FZD3: variants seen among roughly 807,000 people sequenced by gnomAD.
The protein encoded by FZD3 is frizzled class receptor 3.
FZD3 carries 30 observed loss-of-function variants against 60.7 expected under a neutral mutation model. The ratio of observed to expected loss-of-function variants is 0.49; its 90% CI spans 0.37 to 0.67. The LOEUF (loss-of-function observed/expected upper bound fraction) is 0.67. Among genes scored for constraint, FZD3 ranks in the 30% least tolerant of loss-of-function variants. FZD3 has a pLI of 0.00. For synonymous variants in FZD3, 246 were observed against 275.2 expected (o/e 0.89, Z 1.05); for missense variants, 605 against 838.7 (o/e 0.72, Z 3.44).
At chr8:28,498,074 C>G (rs931372321) in intron 1 of FZD3, among the ~76,000 whole-genome samples, 1 of 152,154 alleles carries the variant, frequency 6.6e-6, no homozygotes, top group African/African-American at 2.4e-5. Context: ...TTTAAAGTAT[C>G]TAGTCCTTTT....
intron 3 of FZD3, among the ~76,000 whole-genome samples, chr8:28,514,082 A>T (rs1463407642): frequency 6.6e-6 from 1 of 152,200 alleles, no homozygotes; most frequent in Non-Finnish European, 1.5e-5. Context: ...AATTTTAGAA[A>T]GTTACTTTCC....
At chr8:28,552,867 A>C (rs1186205821) in intron 6 of FZD3, among the ~76,000 whole-genome samples, 1 of 152,212 alleles carries the variant, frequency 6.6e-6, no homozygotes, top group Non-Finnish European at 1.5e-5. Flanking sequence ...ATTTGGGAAA[A>C]AAAAAATTTA....
intron 3 of FZD3, among the ~76,000 whole-genome samples, chr8:28,503,679 T>C (rs1432782919): frequency 6.6e-6 from 1 of 152,226 alleles, no homozygotes; most frequent in Non-Finnish European, 1.5e-5. Context: ...TAGTTAATAA[T>C]AGGTTTAAAT....
At chr8:28,548,116 G>A (rs1051239054) in intron 5 of FZD3, among the ~76,000 whole-genome samples, 5 of 152,214 alleles carry the variant, frequency 3.3e-5, no homozygotes, top group Admixed American at 3.3e-4. Context: ...GCCTCCGAAA[G>A]CGCTGGGATT....
chr8:28,556,044 C>T, intron 7 of FZD3, 73 bp downstream of exon 7: 1 of 965,592 alleles, frequency 1.0e-6, no homozygotes. Context: ...AGAGGAGCAG[C>T]CAATTCTGAA....
chr8:28,500,087 TCTTTAAC>T (rs1467780843), intron 2 of FZD3, 109 bp downstream of exon 2: 1 of 152,178 alleles, frequency 6.6e-6, no homozygotes, highest in Non-Finnish European at 1.5e-5. Context: ...AAATGAAAAT[TCTTTAAC>T]ACCTATACTT....
intron 4 of FZD3, among the ~76,000 whole-genome samples, chr8:28,522,929 C>T (rs1387471799): frequency 4.6e-5 from 7 of 152,014 alleles, no homozygotes; most frequent in Admixed American, 4.6e-4. Flanking sequence ...ACCACCACAT[C>T]CAGCTAATTT....
intron 5 of FZD3, among the ~76,000 whole-genome samples, chr8:28,542,114 T>C (rs164667): frequency 0.61 from 87,588 of 143,066 alleles, 27,017 homozygotes; most frequent in African/African-American, 0.68. Flanking sequence ...TTTTTTTAAC[T>C]ACTCCCTGCA....
At chr8:28,559,757 C>G (rs1330346260) in intron 7 of FZD3, among the ~76,000 whole-genome samples, 1 of 152,196 alleles carries the variant, frequency 6.6e-6, no homozygotes. Flanking sequence ...AGATTTCCTT[C>G]TGCTTCAGTC....
At chr8:28,532,129 G>T (rs1804891959) in intron 5 of FZD3, among the ~76,000 whole-genome samples, 1 of 152,156 alleles carries the variant, frequency 6.6e-6, no homozygotes, top group Non-Finnish European at 1.5e-5. Flanking sequence ...CCTCTGTCAT[G>T]CACAAGTTTC....
At chr8:28,510,813 G>C (rs958062793) in intron 3 of FZD3, among the ~76,000 whole-genome samples, 2 of 152,132 alleles carry the variant, frequency 1.3e-5, no homozygotes, top group African/African-American at 4.8e-5. Context: ...GAGGCGGGCG[G>C]ATCACCAGAG....
chr8:28,526,428 ATC>A (rs938194083), intron 4 of FZD3, among the ~76,000 whole-genome samples: 2 of 151,988 alleles, frequency 1.3e-5, no homozygotes, highest in African/African-American at 2.4e-5. Context: ...TATGTAACTA[ATC>A]TCTGTCTTTA....
rs1678039644 is a variant in FZD3 at position 28,567,855 on chromosome 8, T to G, written c.*4844T>G. 2 of 152,296 alleles carry G rather than the reference T, an allele frequency of 1.3e-5. No homozygotes were observed. The highest frequency in any genetic ancestry group is 1.3e-4 in the Admixed American group (2 of 15,302). 9.4% of individuals were successfully genotyped at this position (152,296 alleles called of 1,614,324 possible). On this transcript the variant is annotated 3_prime_UTR_variant, in exon 8 of 8. Coordinates refer to ENST00000240093, the MANE Select transcript of FZD3 (RefSeq NM_017412.4). ...GGGGATATTCATTTTATTTTTCCTT[T>G]TATATGAAATTGTATAAGTACATTA... is the stretch of plus-strand genomic sequence containing the variant.
rs12679661 is a variant in FZD3, at chr8:28,554,649, A to G, written c.1554-1089A>G. Among the ~76,000 whole-genome samples the G allele has an allele frequency of 4.7e-3, 715 of 152,262 alleles. 24 individuals carry two copies. The East Asian group carries it at 0.09, about 19-fold the overall frequency. ...ATTAATAGATATCCAATATTCCCTT[A>G]GAAATACACTCTTAGGACATGAATC... On this transcript the variant is annotated intron_variant, in intron 6 of 7. Coordinates refer to ENST00000240093, the MANE Select transcript of FZD3 (RefSeq NM_017412.4).
rs1322755766 is a variant in FZD3 at position 28,551,502 on chromosome 8, A to G, written c.1405-101A>G. The G allele has an allele frequency of 4.4e-6, 4 of 918,406 alleles. No individual in the cohort carries two copies. The African/African-American group carries it at 6.8e-5, about 16-fold the overall frequency. The allele number at this position is 918,406 out of a possible 1,614,324, so 56.9% of individuals were successfully genotyped here. ...TTGCACTCCAGCCTGGGTGACAAGAACAAAACTCTGTCTCAAAAGAAAAAG... is the reference window on the plus strand; with the variant it reads ...TTGCACTCCAGCCTGGGTGACAAGAGCAAAACTCTGTCTCAAAAGAAAAAG... On this transcript the variant is annotated intron_variant, in intron 5 of 7. Transcript: ENST00000240093.
chr8:28,535,324 C>G (rs1249955660), intron 5 of FZD3, among the ~76,000 whole-genome samples: 1 of 152,064 alleles, frequency 6.6e-6, no homozygotes, highest in Non-Finnish European at 1.5e-5. Flanking sequence ...ATGCCTTGTA[C>G]CAGTTTTCCC....
intron 6 of FZD3, among the ~76,000 whole-genome samples, chr8:28,553,515 A>G (rs1805450101): frequency 6.6e-6 from 1 of 152,268 alleles, no homozygotes; most frequent in Admixed American, 6.5e-5. Flanking sequence ...ATTCTGTGAT[A>G]GAGTGGCATT....
chr8:28,556,600 G>A (rs1345258528), intron 7 of FZD3, among the ~76,000 whole-genome samples: 1 of 151,570 alleles, frequency 6.6e-6, no homozygotes, highest in Non-Finnish European at 1.5e-5. Context: ...ATTAGCAAAC[G>A]TTTTCCGTGA....
intron 5 of FZD3, among the ~76,000 whole-genome samples, chr8:28,542,999 G>A (rs1250649933): frequency 6.6e-6 from 1 of 152,160 alleles, no homozygotes; most frequent in East Asian, 1.9e-4. Flanking sequence ...CTAAGGATAG[G>A]ATTTAGACTC....
Sources: gnomAD v4.1 joint callset for allele counts (sites outside exome capture counted in the v4.1 genomes callset) on GRCh38, gnomAD v4.1.1 for gene constraint, MANE v1.5 for transcripts, NCBI Gene and HGNC (gene_info 2026-07-23, HGNC 2026-07-21) for gene names.